The following CARM1 variants were observed in gnomAD, a reference collection of about 807,000 sequenced individuals.
The protein encoded by CARM1 is coactivator associated arginine methyltransferase 1.
Under a neutral mutation model 72.7 loss-of-function variants are expected in CARM1, and 14 were observed. The observed-to-expected ratio is 0.19, with a 90% CI of 0.13 to 0.30. The LOEUF is 0.30. Ranked by LOEUF, CARM1 falls within the 10% of genes least tolerant of loss-of-function variation. The pLI, the probability that CARM1 is intolerant of heterozygous loss-of-function variation, is 1.00. For missense variants in CARM1, 432 were observed against 833.7 expected (o/e 0.52, Z 5.93); for synonymous variants, 333 against 345.5 (o/e 0.96, Z 0.40).
chr19:10,873,129 A>G (rs2073833153), intron 1 of CARM1, among the ~76,000 whole-genome samples: 2 of 152,126 alleles, frequency 1.3e-5, no homozygotes, highest in South Asian at 4.2e-4. Context: ...AGTTCAAGGC[A>G]GACACTCAGC....
At chr19:10,907,337 AATAG>A (rs2145225211) in intron 2 of CARM1, among the ~76,000 whole-genome samples, 2 of 152,004 alleles carry the variant, frequency 1.3e-5, no homozygotes, top group South Asian at 2.1e-4. Flanking sequence ...TCCCCAGCCA[AATAG>A]ATAGAGCCTG....
At chr19:10,918,195 T>C (rs996484599) in intron 8 of CARM1, among the ~76,000 whole-genome samples, 6 of 152,156 alleles carry the variant, frequency 3.9e-5, no homozygotes, top group African/African-American at 1.4e-4. Flanking sequence ...TTAGCCTCAT[T>C]ACCAATATGC....
Position 10,896,104 on chromosome 19 carries a change from T to TA in CARM1, c.221-8846dup, listed in dbSNP as rs1382403681. On this transcript the variant is annotated intron_variant, in intron 1 of 15. Transcript: ENST00000327064. This position sits in a 1 kb window ranked among gnomAD's most constrained non-coding sequence, Gnocchi z 5.2. ...GCGGTGTGAAGCAGGCGGGTTGTGT[T>TA]AGACACTGTGCGGCTTGAAGGGTGG... 2.0e-5 allele frequency among the ~76,000 whole-genome samples: 3 copies of TA among 151,948 alleles called. No individual in the cohort carries two copies. Among genetic ancestry groups the TA allele is most frequent in the African/African-American group, 7.3e-5 (3 of 41,362 alleles).
intron 1 of CARM1, among the ~76,000 whole-genome samples, chr19:10,888,545 C>A (rs977015261): frequency 1.1e-4 from 17 of 152,164 alleles, no homozygotes; most frequent in African/African-American, 3.9e-4. Flanking sequence ...TCTTGGCCCG[C>A]GGGAGAAGAA....
At chr19:10,890,775 A>ACG (rs71164130) in intron 1 of CARM1, among the ~76,000 whole-genome samples, 3 of 51,470 alleles carry the variant, frequency 5.8e-5, no homozygotes, top group African/African-American at 2.3e-4. Context: ...ACACACACAC[A>ACG]TATATATATA....
intron 1 of CARM1, among the ~76,000 whole-genome samples, chr19:10,872,179 A>G (rs545539245): frequency 7.0e-6 from 1 of 143,502 alleles, no homozygotes; most frequent in South Asian, 2.2e-4. Context: ...GAAGGGCCTG[A>G]GATTTGGGAG....
In CARM1 at chr19:10,871,939, G is replaced by A. The variant is rs2073821914; in HGVS notation, c.220+17G>A. ...TCTACAGCCGTGAGTACGGGGCCCC[G>A]GGGCAGGCGCAGGGCCGGGGCTGCT... is the stretch of plus-strand genomic sequence containing the variant. On this transcript the variant is annotated intron_variant, in intron 1 of 15. Transcript: ENST00000327064. This position sits in a 1 kb window ranked among gnomAD's most constrained non-coding sequence, Gnocchi z 5.6. 3 of 1,181,708 alleles carry A rather than the reference G, an allele frequency of 2.5e-6. No individual in the cohort carries two copies. The highest frequency in any genetic ancestry group is 3.4e-4 in the Middle Eastern group (1 of 2,916). 73.2% of individuals were successfully genotyped at this position (1,181,708 alleles called of 1,614,324 possible).
chr19:10,878,702 C>T (rs1184341451), intron 1 of CARM1, among the ~76,000 whole-genome samples: 5 of 152,046 alleles, frequency 3.3e-5, no homozygotes, highest in African/African-American at 9.7e-5. Context: ...TAATTAAACA[C>T]GATGGCATTT....
rs962823287 is a variant in CARM1 at position 10,916,352 on chromosome 19, A to G, written c.848-55A>G. 2 of 1,233,792 alleles carry G rather than the reference A, an allele frequency of 1.6e-6. No individual in the cohort carries two copies. The highest frequency in any genetic ancestry group is 2.4e-6 in the Non-Finnish European group (2 of 838,464). The allele number at this position is 1,233,792 out of a possible 1,614,324, so 76.4% of individuals were successfully genotyped here. ...CTTGGGGTCCTTTGGAAGCTCTGCC[A>G]GGCAGTGTGGGATGTGTCACCTGAC... On this transcript the variant is annotated intron_variant, in intron 6 of 15. Coordinates refer to ENST00000327064, the MANE Select transcript of CARM1 (RefSeq NM_199141.2). The surrounding 1 kb of genome is among the most constrained non-coding windows in gnomAD (Gnocchi z 4.4).
At chr19:10,891,693 C>T (rs2073989067) in intron 1 of CARM1, among the ~76,000 whole-genome samples, 1 of 152,264 alleles carries the variant, frequency 6.6e-6, no homozygotes. Flanking sequence ...CCCTCCCGCC[C>T]CCAGCCTTCG....
At position 10,921,917 on chromosome 19, in the gene CARM1, C is replaced by T. The variant is rs549476648; in HGVS notation, c.*160C>T. 5.2e-4 allele frequency: 347 copies of T among 661,648 alleles called. 3 individuals carry two copies. Among genetic ancestry groups the T allele is most frequent in the South Asian group, 2.3e-3 (113 of 49,428 alleles). The allele number at this position is 661,648 out of a possible 1,614,324, so 41.0% of individuals were successfully genotyped here. A position where few individuals can be genotyped will look rare whatever the true frequency, so the allele number is the denominator to read the frequency against. ...GACACTTTTTTACACGATGTTGCCG[C>T]CGTCCCCACCCTAACCCCCACCTCC... On this transcript the variant is annotated 3_prime_UTR_variant, in exon 16 of 16. Coordinates refer to ENST00000327064, the MANE Select transcript of CARM1 (RefSeq NM_199141.2).
intron 1 of CARM1, among the ~76,000 whole-genome samples, chr19:10,899,683 C>T (rs145620523): frequency 1.6e-4 from 25 of 152,102 alleles, no homozygotes; most frequent in Middle Eastern, 3.4e-3. Flanking sequence ...GGCCCTCATA[C>T]CTGGACTCGT....
rs371676863 is a variant in CARM1, at chr19:10,921,597, C to G, written c.1685-18C>G. ...GGCGGGCCAGGGCAGCCCCTCACTG[C>G]CATTGCCTGCTCCACAGGGTCCTCC... On this transcript the variant is annotated intron_variant, in intron 15 of 15. Coordinates refer to ENST00000327064, the MANE Select transcript of CARM1 (RefSeq NM_199141.2). The G allele has an allele frequency of 6.2e-6, 10 of 1,602,812 alleles. No homozygotes were observed. The highest frequency in any genetic ancestry group is 8.5e-6 in the Non-Finnish European group (10 of 1,173,240).
intron 1 of CARM1, among the ~76,000 whole-genome samples, chr19:10,884,452 T>A (rs957336605): frequency 6.6e-6 from 1 of 151,200 alleles, no homozygotes; most frequent in Non-Finnish European, 1.5e-5. Flanking sequence ...CTCCCAAAGA[T>A]CTAGGATTAC....
chr19:10,872,600 C>G (rs1241214027), intron 1 of CARM1, among the ~76,000 whole-genome samples: 1 of 152,110 alleles, frequency 6.6e-6, no homozygotes, highest in Non-Finnish European at 1.5e-5. Flanking sequence ...GAAGTAAGAG[C>G]TAACAGCCTC....
At chr19:10,906,504 G>GT (rs1370482562) in intron 2 of CARM1, among the ~76,000 whole-genome samples, 1 of 152,106 alleles carries the variant, frequency 6.6e-6, no homozygotes, top group Non-Finnish European at 1.5e-5. Flanking sequence ...ACCCAGGCTG[G>GT]AGTGCTGGAG....
intron 1 of CARM1, among the ~76,000 whole-genome samples, chr19:10,881,161 G>A (rs984985626): frequency 2.6e-5 from 4 of 151,962 alleles, no homozygotes; most frequent in Admixed American, 6.6e-5. Context: ...GCAAGACCTT[G>A]TCTCTAAAAA....
intron 1 of CARM1, among the ~76,000 whole-genome samples, chr19:10,882,534 CTTTTTTTTTTT>C (rs869046901): frequency 2.3e-5 from 2 of 85,942 alleles, no homozygotes; most frequent in Non-Finnish European, 4.4e-5. Context: ...TGCACTCTGT[CTTTTTTTTTTT>C]TTTTTTTTTT....
In CARM1 at chr19:10,921,947, C is replaced by A; in HGVS notation, c.*190C>A. The A allele has an allele frequency of 3.6e-6, 2 of 561,740 alleles. No homozygotes were observed. Among genetic ancestry groups the A allele is most frequent in the South Asian group, 4.8e-5 (2 of 41,898 alleles). The allele number at this position is 561,740 out of a possible 1,614,324, so 34.8% of individuals were successfully genotyped here. ...CCCACCCTAACCCCCACCTCCCGGCCCTGAGCGTGTGTCGCTGCCATATTT... is the reference window on the plus strand; with the variant it reads ...CCCACCCTAACCCCCACCTCCCGGCACTGAGCGTGTGTCGCTGCCATATTT... On this transcript the variant is annotated 3_prime_UTR_variant, in exon 16 of 16. Transcript: ENST00000327064.
Sources: allele counts gnomAD v4.1 joint callset (sites outside exome capture counted in the v4.1 genomes callset), GRCh38; gene constraint gnomAD v4.1.1; non-coding constraint Gnocchi (gnomAD v3.1); transcripts MANE v1.5; gene names NCBI Gene and HGNC (gene_info 2026-07-23, HGNC 2026-07-21).